The following APBA1 variants were observed in gnomAD, a reference collection of about 807,000 sequenced individuals.
The protein encoded by APBA1 is amyloid beta precursor protein binding family A member 1.
Under a neutral mutation model 86.6 loss-of-function variants are expected in APBA1, and 55 were observed. That is an observed-to-expected ratio of 0.64 (90% CI 0.51 to 0.80). APBA1 has a LOEUF of 0.80. Among genes scored for constraint, APBA1 ranks in the 30% least tolerant of loss-of-function variants. APBA1 has a pLI of 0.00. For missense variants in APBA1, 1,090 were observed against 1,183.0 expected, an observed-to-expected ratio of 0.92 and a Z score of 1.15; for synonymous variants, 511 against 493.9, an observed-to-expected ratio of 1.03 and a Z score of -0.46.
chr9:69,671,396 C>T (rs893611082), intron 1 of APBA1, among the ~76,000 whole-genome samples: 1 of 152,190 alleles, frequency 6.6e-6, no homozygotes, highest in African/African-American at 2.4e-5. Flanking sequence ...CTCAAAGCAA[C>T]ATGCTCACTT....
intron 1 of APBA1, among the ~76,000 whole-genome samples, chr9:69,589,113 C>T (rs1333573654): frequency 6.6e-6 from 1 of 152,124 alleles, no homozygotes; most frequent in Non-Finnish European, 1.5e-5. Context: ...CACCACCATG[C>T]CCAGCTAATT....
At chr9:69,657,837 A>T (rs1027391245) in intron 1 of APBA1, among the ~76,000 whole-genome samples, 5 of 152,216 alleles carry the variant, frequency 3.3e-5, no homozygotes, top group African/African-American at 1.2e-4. Context: ...TATATTTTTA[A>T]TCTTTTCCTC....
At chr9:69,491,534 C>T (rs909348481) in intron 2 of APBA1, among the ~76,000 whole-genome samples, 6 of 151,434 alleles carry the variant, frequency 4.0e-5, no homozygotes, top group Middle Eastern at 3.4e-3. Flanking sequence ...AGCACACCAA[C>T]GTGGCGCATG....
At chr9:69,454,289 G>T (rs970571057) in intron 8 of APBA1, among the ~76,000 whole-genome samples, 2 of 152,208 alleles carry the variant, frequency 1.3e-5, no homozygotes, top group Non-Finnish European at 2.9e-5. Context: ...GTAAGGCATT[G>T]CTTTTGGCAT....
Position 69,530,345 on chromosome 9 carries a change from C to CACAT in APBA1, c.-69-13067_-69-13066insATGT, listed in dbSNP as rs1554697914. On this transcript the variant is annotated intron_variant, in intron 1 of 12. Coordinates refer to ENST00000265381, the MANE Select transcript of APBA1 (RefSeq NM_001163.4). The stretch of plus-strand genomic sequence containing the variant: ...ATATATATATACACACACACACACA[C>CACAT]ACACACACACACATGCAACACTATG... 1.9e-3 allele frequency among the ~76,000 whole-genome samples: 285 copies of CACAT among 146,522 alleles called. 2 individuals carry two copies. Among genetic ancestry groups the CACAT allele is most frequent in the East Asian group, 4.6e-3 (23 of 4,996 alleles).
chr9:69,597,117 A>C (rs1822244154), intron 1 of APBA1, among the ~76,000 whole-genome samples: 1 of 152,142 alleles, frequency 6.6e-6, no homozygotes, highest in Non-Finnish European at 1.5e-5. Flanking sequence ...AAGACATTTA[A>C]AGTTGCATGC....
chr9:69,457,127 C>T lies in APBA1; in HGVS notation c.1528G>A (p.Glu510Lys), dbSNP rs765943132. ...AKSRKKAPEG[E>K]SQPMTEVDLF... ...TCCACTTCAGTCATTGGCTGAGATTCGCCTTCAGGAGCCTGAGAAGAAAAA... is the reference window on the plus strand; with the variant it reads ...TCCACTTCAGTCATTGGCTGAGATTTGCCTTCAGGAGCCTGAGAAGAAAAA... Residue 510 changes from glutamate to lysine, a missense_variant, in exon 7 of 13, where the codon GAA becomes AAA. Around this residue, in one of 6 missense-constraint regions of APBA1, gnomAD observed 76 missense variants for 122.2 expected, o/e 0.62. Coordinates refer to ENST00000265381, the MANE Select transcript of APBA1 (RefSeq NM_001163.4). The T allele has an allele frequency of 2.5e-5, 41 of 1,613,958 alleles. No individual in the cohort carries two copies. The highest frequency in any genetic ancestry group is 6.7e-5 in the Admixed American group (4 of 59,998).
intron 1 of APBA1, among the ~76,000 whole-genome samples, chr9:69,631,367 C>T (rs1823040564): frequency 6.6e-6 from 1 of 152,200 alleles, no homozygotes; most frequent in Non-Finnish European, 1.5e-5. Context: ...TACCATCTCA[C>T]ACCAGTTAGA....
rs1834526000 is a variant in APBA1, at chr9:69,428,379, C to T, written c.*2948G>A. On this transcript the variant is annotated 3_prime_UTR_variant, in exon 13 of 13. Coordinates refer to ENST00000265381, the MANE Select transcript of APBA1 (RefSeq NM_001163.4). ...GGGAAGGTGTCGCTGGAGAAGTGGG[C>T]TCCAGGCATTGGTCTTTGGGGGTTT... is the stretch of plus-strand genomic sequence containing the variant. 6.6e-6 allele frequency: 1 copy of T among 152,350 alleles called. No individual in the cohort carries two copies. The highest frequency in any genetic ancestry group is 1.5e-5 in the Non-Finnish European group (1 of 68,150). 9.4% of individuals were successfully genotyped at this position (152,350 alleles called of 1,614,324 possible).
At chr9:69,523,446 T>G (rs1334564399) in intron 1 of APBA1, among the ~76,000 whole-genome samples, 5 of 139,328 alleles carry the variant, frequency 3.6e-5, no homozygotes, top group Admixed American at 3.0e-4. Context: ...ACAAGAAAGC[T>G]TAGCTATCAT....
chr9:69,578,898 A>T (rs1220664677), intron 1 of APBA1, among the ~76,000 whole-genome samples: 1 of 152,222 alleles, frequency 6.6e-6, no homozygotes, highest in African/African-American at 2.4e-5. Context: ...CCATGTTAGC[A>T]TATATTAGGC....
chr9:69,658,256 CTTTCTTTCTTTCTTTCTTTCTT>C (rs1564104776), intron 1 of APBA1, among the ~76,000 whole-genome samples: 1 of 24,242 alleles, frequency 4.1e-5, no homozygotes, highest in African/African-American at 6.1e-5. Flanking sequence ...TTCTTTCTTT[CTTTCTTTCTTTCTTTCTTTCTT>C]TCTTTCTCTC....
intron 1 of APBA1, among the ~76,000 whole-genome samples, chr9:69,529,208 C>G (rs1350291715): frequency 6.6e-6 from 1 of 152,042 alleles, no homozygotes; most frequent in African/African-American, 2.4e-5. Context: ...GGTTATGCCT[C>G]AAATCTGCTA....
chr9:69,447,018 C>T (rs1834921335), intron 10 of APBA1, among the ~76,000 whole-genome samples: 2 of 152,172 alleles, frequency 1.3e-5, no homozygotes, highest in Non-Finnish European at 2.9e-5. Context: ...GAAGTCTGAG[C>T]TCAGCGTACC....
intron 2 of APBA1, among the ~76,000 whole-genome samples, chr9:69,511,363 C>T (rs1484955593): frequency 1.3e-5 from 2 of 152,166 alleles, no homozygotes; most frequent in Non-Finnish European, 2.9e-5. Context: ...CAAATCAAAA[C>T]CACAATGAGA....
intron 1 of APBA1, among the ~76,000 whole-genome samples, chr9:69,635,722 C>G (rs947735296): frequency 2.0e-5 from 3 of 152,012 alleles, no homozygotes; most frequent in African/African-American, 7.2e-5. Context: ...ACATATATTT[C>G]AAGACAAAAA....
intron 1 of APBA1, among the ~76,000 whole-genome samples, chr9:69,628,821 G>A (rs542035654): frequency 2.1e-3 from 321 of 152,210 alleles, no homozygotes; most frequent in Non-Finnish European, 3.9e-3. Context: ...TCATGTTTTT[G>A]CAAATAAGTT....
intron 1 of APBA1, among the ~76,000 whole-genome samples, chr9:69,518,669 T>C (rs1050699985): frequency 3.9e-5 from 6 of 152,184 alleles, no homozygotes; most frequent in Admixed American, 3.9e-4. Context: ...ACAGTATGTG[T>C]AAACTTGCTA....
chr9:69,442,212 G>C (rs1464568525), intron 10 of APBA1, among the ~76,000 whole-genome samples: 1 of 152,222 alleles, frequency 6.6e-6, no homozygotes, highest in Non-Finnish European at 1.5e-5. Context: ...AGAAGGAATG[G>C]CTGATAGCAG....
Sources: gnomAD v4.1 joint callset for allele counts (sites outside exome capture counted in the v4.1 genomes callset) on GRCh38, gnomAD v4.1.1 for gene constraint, gnomAD v4.1.1 regional missense constraint, MANE v1.5 for transcripts, NCBI Gene and HGNC (gene_info 2026-07-23, HGNC 2026-07-21) for gene names.